Variants in PPFIA2 observed in about 807,000 individuals in gnomAD.
PPFIA2 encodes PPFI scaffold protein A2, also known as liprin-alpha-2.
PPFIA2 carries 46 observed loss-of-function variants against 175.5 expected under a neutral mutation model. The ratio of observed to expected loss-of-function variants is 0.26; its 90% confidence interval spans 0.21 to 0.34. The LOEUF (loss-of-function observed/expected upper bound fraction) is 0.34. Ranked by LOEUF, PPFIA2 falls within the 10% of genes least tolerant of loss-of-function variation. The pLI, the probability that PPFIA2 is intolerant of heterozygous loss-of-function variation, is 1.00. For missense variants in PPFIA2, 1,179 were observed against 1,506.1 expected (o/e 0.78, Z 3.60); for synonymous variants, 568 against 511.4 (o/e 1.11, Z -1.49).
chr12:81,264,833 G>T (rs900322216), intron 30 of PPFIA2, among the ~76,000 whole-genome samples: 4 of 152,150 alleles, frequency 2.6e-5, no homozygotes, highest in African/African-American at 9.7e-5. Flanking sequence ...CCAAATGTGT[G>T]TAAATGTAGA....
intron 14 of PPFIA2, among the ~76,000 whole-genome samples, 165 bp downstream of exon 14, chr12:81,366,943 C>T (rs540579111): frequency 1.8e-4 from 27 of 151,632 alleles, no homozygotes; most frequent in African/African-American, 6.3e-4. Flanking sequence ...TGAAGCTCTT[C>T]CTCTCTATGT....
At chr12:81,547,533 A>C (rs563541930) in intron 4 of PPFIA2, among the ~76,000 whole-genome samples, 31 of 152,024 alleles carry the variant, frequency 2.0e-4, no homozygotes, top group Middle Eastern at 3.4e-3. Context: ...GCGCCACTAC[A>C]CCTGCCTAAT....
rs1440114693 is a variant in PPFIA2, at chr12:81,664,767, G to A, written c.303+12024C>T. 5.3e-5 allele frequency among the ~76,000 whole-genome samples: 8 copies of A among 152,074 alleles called. 1 individual carries two copies. Among genetic ancestry groups the A allele is most frequent in the Non-Finnish European group, 8.8e-5 (6 of 68,042 alleles). On this transcript the variant is annotated intron_variant, in intron 4 of 32. Transcript: ENST00000549396. ...GTTTATTGCAGCACTATTCACAATA[G>A]CAAAGACTTGGAACCAACCCGAATG...
intron 7 of PPFIA2, among the ~76,000 whole-genome samples, chr12:81,432,187 C>T (rs2048209976): frequency 6.6e-6 from 1 of 152,090 alleles, no homozygotes; most frequent in South Asian, 2.1e-4. Context: ...GTTAATCAGC[C>T]ATTACCATCA....
intron 21 of PPFIA2, among the ~76,000 whole-genome samples, chr12:81,337,756 A>T (rs948911089): frequency 6.6e-6 from 1 of 152,304 alleles, no homozygotes; most frequent in African/African-American, 2.4e-5. Flanking sequence ...AATACTCAAA[A>T]ATAACCACTC....
chr12:81,275,400 A>G (rs1409278409), intron 28 of PPFIA2, among the ~76,000 whole-genome samples: 1 of 152,252 alleles, frequency 6.6e-6, no homozygotes, highest in Non-Finnish European at 1.5e-5. Flanking sequence ...CATGCATTCA[A>G]GCCCGTTCCA....
chr12:81,398,235 G>A (rs557742922), intron 8 of PPFIA2, among the ~76,000 whole-genome samples: 1 of 152,124 alleles, frequency 6.6e-6, no homozygotes, highest in East Asian at 1.9e-4. Flanking sequence ...GGAAAGAGCA[G>A]TAAAATTTGC....
intron 3 of PPFIA2, among the ~76,000 whole-genome samples, chr12:81,732,989 CT>C (rs1177969505): frequency 2.0e-5 from 3 of 151,464 alleles, no homozygotes; most frequent in African/African-American, 7.3e-5. Flanking sequence ...TGAAAATTAA[CT>C]TAGAGCAGAC....
intron 3 of PPFIA2, among the ~76,000 whole-genome samples, chr12:81,725,983 C>T (rs545261120): frequency 1.3e-5 from 2 of 151,028 alleles, no homozygotes; most frequent in East Asian, 2.0e-4. Flanking sequence ...TTCACCTCTT[C>T]TAGACTCAAA....
chr12:81,732,061 G>C (rs189324239), intron 3 of PPFIA2, among the ~76,000 whole-genome samples: 35 of 151,702 alleles, frequency 2.3e-4, no homozygotes, highest in African/African-American at 8.0e-4. Flanking sequence ...CATGGACTGT[G>C]ACAATATATA....
intron 4 of PPFIA2, among the ~76,000 whole-genome samples, chr12:81,568,748 A>C (rs548245403): frequency 2.0e-5 from 3 of 152,270 alleles, no homozygotes; most frequent in Non-Finnish European, 4.4e-5. Context: ...CATCAGCTTC[A>C]TGCCTGGCCT....
chr12:81,351,626 G>A (rs925242966), intron 17 of PPFIA2, among the ~76,000 whole-genome samples: 2 of 151,716 alleles, frequency 1.3e-5, no homozygotes, highest in Non-Finnish European at 2.9e-5. Flanking sequence ...GGCTGGGTGT[G>A]GTAGCTCACA....
chr12:81,426,227 T>C (rs1319009936), intron 7 of PPFIA2, among the ~76,000 whole-genome samples: 1 of 152,196 alleles, frequency 6.6e-6, no homozygotes, highest in African/African-American at 2.4e-5. Context: ...GGTAATACTC[T>C]GTCATGTGTC....
chr12:81,688,374 C>T (rs1360545647), intron 3 of PPFIA2, among the ~76,000 whole-genome samples: 1 of 151,598 alleles, frequency 6.6e-6, no homozygotes, highest in Non-Finnish European at 1.5e-5. Context: ...TATTATAATC[C>T]TAGATACACA....
At chr12:81,415,017 G>A (rs2143019326) in intron 7 of PPFIA2, among the ~76,000 whole-genome samples, 1 of 149,494 alleles carries the variant, frequency 6.7e-6, no homozygotes, top group South Asian at 2.1e-4. Flanking sequence ...TGTAGTCTGT[G>A]CAGTTTGATC....
At chr12:81,631,097 T>C (rs2063334188) in intron 4 of PPFIA2, among the ~76,000 whole-genome samples, 1 of 151,994 alleles carries the variant, frequency 6.6e-6, no homozygotes, top group Non-Finnish European at 1.5e-5. Flanking sequence ...AGTTTTGCCA[T>C]GTTGCCCAGG....
chr12:81,461,409 G>A (rs1375090484), intron 4 of PPFIA2, among the ~76,000 whole-genome samples: 1 of 152,072 alleles, frequency 6.6e-6, no homozygotes, highest in Non-Finnish European at 1.5e-5. Flanking sequence ...AGCATTCTGG[G>A]ATTATCATCC....
chr12:81,451,479 A>G (rs940290280), intron 5 of PPFIA2, among the ~76,000 whole-genome samples: 5 of 152,132 alleles, frequency 3.3e-5, no homozygotes, highest in African/African-American at 1.2e-4. Context: ...GGCTTGTGAG[A>G]AAAATTTACA....
At chr12:81,612,386 C>G (rs1230116610) in intron 4 of PPFIA2, among the ~76,000 whole-genome samples, 1 of 152,150 alleles carries the variant, frequency 6.6e-6, no homozygotes, top group Non-Finnish European at 1.5e-5. Flanking sequence ...AGAAATGATT[C>G]TGCAGGTGAA....
Sources: allele counts gnomAD v4.1 joint callset (sites outside exome capture counted in the v4.1 genomes callset), GRCh38; gene constraint gnomAD v4.1.1; transcripts MANE v1.5; gene names NCBI Gene and HGNC (gene_info 2026-07-23, HGNC 2026-07-21).